Variants in PSD2 observed in about 807,000 individuals in gnomAD.
PSD2 encodes the protein pleckstrin and Sec7 domain containing 2.
PSD2 carries 38 observed loss-of-function variants against 69.8 expected under a neutral mutation model. The ratio of observed to expected loss-of-function variants is 0.54; its 90% CI spans 0.42 to 0.71. The LOEUF is 0.71. Among genes scored for constraint, PSD2 ranks in the 30% least tolerant of loss-of-function variants. PSD2 has a pLI of 0.00. For missense variants in PSD2, 943 were observed against 1,014.5 expected (o/e 0.93, Z 0.96); for synonymous variants, 412 against 423.0 (o/e 0.97, Z 0.32).
At chr5:139,800,301 T>C (rs1241637198) in intron 1 of PSD2, among the ~76,000 whole-genome samples, 1 of 152,252 alleles carries the variant, frequency 6.6e-6, no homozygotes, top group Non-Finnish European at 1.5e-5. Context: ...GCCCTGACTG[T>C]TCTCACTTTC....
chr5:139,798,388 C>CTGGGCTGGCCTG (rs1311546409), intron 1 of PSD2, among the ~76,000 whole-genome samples: 1 of 152,196 alleles, frequency 6.6e-6, no homozygotes, highest in Admixed American at 6.5e-5. Context: ...CCTGCCTGGC[C>CTGGGCTGGCCTG]TGGGCTGGCC....
chr5:139,795,185 C>T (rs1394722060), upstream of PSD2, among the ~76,000 whole-genome samples: 1 of 152,160 alleles, frequency 6.6e-6, no homozygotes, highest in Non-Finnish European at 1.5e-5. This position sits in a 1 kb window ranked among gnomAD's most constrained non-coding sequence, Gnocchi z 4.5. Context: ...TCCCATCCCA[C>T]TCTGTCCCGA....
the PSD2 span, among the ~76,000 whole-genome samples, chr5:139,754,776 C>G: frequency 1.3e-5 from 2 of 152,128 alleles, no homozygotes; most frequent in Non-Finnish European, 2.9e-5. Flanking sequence ...ACTTGGGAGG[C>G]TGAGGTGGGA....
chr5:139,809,705 A>G lies in PSD2; in HGVS notation c.265A>G (p.Ile89Val). 1 of 1,614,236 alleles carries G rather than the reference A, an allele frequency of 6.2e-7. No homozygotes were observed. Among genetic ancestry groups the G allele is most frequent in the Non-Finnish European group, 8.5e-7 (1 of 1,180,044 alleles). ...NGLALGPDLNILEDSAESRPW... is the reference protein window; with the variant it reads ...NGLALGPDLNVLEDSAESRPW... ...CCTAGCCCTGGGGCCAGACTTGAAC[A>G]TTCTGGAAGATTCAGCGGAGTCCAG... Residue 89 changes from isoleucine to valine, a missense_variant, in exon 2 of 15, where the codon ATT becomes GTT. Around this residue, in one of 3 missense-constraint regions of PSD2, gnomAD observed 466 missense variants for 445.0 expected, o/e 1.05. Transcript: ENST00000274710.
At chr5:139,817,193 T>A (rs1760141919) in intron 4 of PSD2, among the ~76,000 whole-genome samples, 1 of 152,246 alleles carries the variant, frequency 6.6e-6, no homozygotes, top group Non-Finnish European at 1.5e-5. Context: ...TTCTTGGACA[T>A]GCCATGCAGT....
At chr5:139,783,346 G>T in the PSD2 span, among the ~76,000 whole-genome samples, 78 of 152,300 alleles carry the variant, frequency 5.1e-4, 1 homozygote, top group Middle Eastern at 6.8e-3. Flanking sequence ...CGAGGCTGAG[G>T]CAGAAGGATC....
chr5:139,830,592 T>TTCTTTCTTTCTTTCTTTCTTTC (rs779474791), intron 7 of PSD2, among the ~76,000 whole-genome samples: 2 of 85,980 alleles, frequency 2.3e-5, no homozygotes, highest in African/African-American at 1.1e-4. Context: ...CTTTCTTTCT[T>TTCTTTCTTTCTTTCTTTCTTTC]TTTCTTTCTT....
chr5:139,804,274 G>A (rs1409026607), intron 1 of PSD2, among the ~76,000 whole-genome samples: 1 of 152,102 alleles, frequency 6.6e-6, no homozygotes, highest in Non-Finnish European at 1.5e-5. Flanking sequence ...TTCAGGGTGG[G>A]TTTCCAGGGG....
chr5:139,813,527 G>A lies in PSD2; in HGVS notation c.590G>A (p.Gly197Glu), dbSNP rs1312902871. 1.2e-6 allele frequency: 2 copies of A among 1,610,688 alleles called. No individual in the cohort carries two copies. The highest frequency in any genetic ancestry group is 1.3e-5 in the African/African-American group (1 of 74,920). The change falls in exon 3 of 15, where the codon GGG (glycine) becomes GAG (glutamate). Residue 197 changes from glycine (G) to glutamate (E), a missense_variant. Physicochemically the swap from Gly to Glu is moderately conservative, Grantham distance 98 (BLOSUM62 -2). Coordinates refer to ENST00000274710, the MANE Select transcript of PSD2 (RefSeq NM_032289.4). The part of the protein sequence containing the change: ...RARDSPEPGA[G>E]LGIGDMAFEG... ...CGTGACAGCCCTGAGCCAGGGGCTG[G>A]GTTGGGCATTGGGGACATGGCGTTT...
At chr5:139,834,739 C>T (rs972537626) in intron 8 of PSD2, among the ~76,000 whole-genome samples, 1 of 152,058 alleles carries the variant, frequency 6.6e-6, no homozygotes, top group African/African-American at 2.4e-5. Flanking sequence ...ATATTATATT[C>T]TTCACCATTG....
At chr5:139,815,393 A>T (rs1581721159) in intron 4 of PSD2, among the ~76,000 whole-genome samples, 1 of 152,124 alleles carries the variant, frequency 6.6e-6, no homozygotes, top group East Asian at 1.9e-4. Flanking sequence ...TCCCTCCAGC[A>T]GCTAATTGTC....
chr5:139,782,075 G>C, the PSD2 span, among the ~76,000 whole-genome samples: 1 of 152,246 alleles, frequency 6.6e-6, no homozygotes, highest in Non-Finnish European at 1.5e-5. Flanking sequence ...AGCCCATGTG[G>C]GCTCCCAGTG....
chr5:139,794,040 G>A (rs1759465316), upstream of PSD2, among the ~76,000 whole-genome samples: 1 of 152,222 alleles, frequency 6.6e-6, no homozygotes, highest in African/African-American at 2.4e-5. Flanking sequence ...GAGGGCAGGG[G>A]GGTAGAATGC....
At chr5:139,784,778 C>T in the PSD2 span, among the ~76,000 whole-genome samples, 10 of 151,106 alleles carry the variant, frequency 6.6e-5, no homozygotes, top group East Asian at 7.7e-4. Context: ...TTTTTTGAGA[C>T]GGAGTCTTGC....
chr5:139,830,546 C>A (rs1346356207), intron 7 of PSD2, among the ~76,000 whole-genome samples: 10 of 132,390 alleles, frequency 7.6e-5, no homozygotes, highest in African/African-American at 3.4e-4. Flanking sequence ...TCCTTCCTTC[C>A]TTCCTTCCTT....
the PSD2 span, among the ~76,000 whole-genome samples, chr5:139,765,990 C>T: frequency 6.6e-6 from 1 of 152,146 alleles, no homozygotes; most frequent in African/African-American, 2.4e-5. Flanking sequence ...TGGGCCTGTC[C>T]TCAAGCTGGC....
chr5:139,801,789 C>T (rs537448666), intron 1 of PSD2, among the ~76,000 whole-genome samples: 1 of 152,328 alleles, frequency 6.6e-6, no homozygotes, highest in African/African-American at 2.4e-5. Flanking sequence ...TCTTCCTCCC[C>T]AAACCTGCTC....
At chr5:139,765,734 A>C in the PSD2 span, among the ~76,000 whole-genome samples, 1 of 152,122 alleles carries the variant, frequency 6.6e-6, no homozygotes, top group Non-Finnish European at 1.5e-5. Flanking sequence ...CAAGGGCTGA[A>C]TCCGAGCCCA....
At chr5:139,823,339 T>C (rs559245695) in intron 7 of PSD2, among the ~76,000 whole-genome samples, 2 of 152,264 alleles carry the variant, frequency 1.3e-5, no homozygotes, top group African/African-American at 4.8e-5. Context: ...GTGGTGTGCA[T>C]GCCCTGTGTG....
Sources: allele counts gnomAD v4.1 joint callset (sites outside exome capture counted in the v4.1 genomes callset), GRCh38; gene constraint gnomAD v4.1.1; regional missense constraint gnomAD v4.1.1; non-coding constraint Gnocchi (gnomAD v3.1); transcripts MANE v1.5; gene names NCBI Gene and HGNC (gene_info 2026-07-23, HGNC 2026-07-21).